KRT35: variants seen among roughly 807,000 people sequenced by gnomAD.
KRT35 encodes the protein keratin, type I cuticular Ha5.
Under a neutral mutation model 42.2 loss-of-function variants are expected in KRT35, and 33 were observed. The ratio of observed to expected loss-of-function variants is 0.78; its 90% CI spans 0.59 to 1.05. The LOEUF (loss-of-function observed/expected upper bound fraction) is 1.05, where lower values mean the gene tolerates loss of function less well. Ranked by LOEUF, KRT35 falls within the 50% of genes least tolerant of loss-of-function variation. The probability of loss-of-function intolerance (pLI) is 0.00; values close to 1 mark genes in which losing one functional copy is unlikely to be tolerated. For missense variants in KRT35, 585 were observed against 589.2 expected (o/e 0.99, Z 0.07); for synonymous variants, 218 against 238.2 (o/e 0.92, Z 0.78).
chr17:41,477,058 A>T lies in KRT35; in HGVS notation c.1366T>A (p.Ter456ArgextTer15). 6.4e-7 allele frequency: 1 copy of T among 1,560,906 alleles called. No individual in the cohort carries two copies. Among genetic ancestry groups the T allele is most frequent in the Non-Finnish European group, 8.6e-7 (1 of 1,159,122 alleles). The change falls in exon 7 of 7, where the codon TGA (stop) becomes AGA (arginine). Residue 456 changes from the stop codon to arginine, a stop_lost. Transcript: ENST00000246639. Reference protein sequence around the residue: ...ICVPCPGGRF* With the variant: ...ICVPCPGGRFR Reference sequence around the variant, plus strand: ...ATGGCCATCTGGGTCACCCGCTCTCAGAACCGACCCCCTGGGCAGGGCACA... The same window carrying T: ...ATGGCCATCTGGGTCACCCGCTCTCTGAACCGACCCCCTGGGCAGGGCACA...
In KRT35 at chr17:41,477,053, C is replaced by A. The variant is rs1339037011; in HGVS notation, c.*3G>T. 41 of 1,556,470 alleles carry A rather than the reference C, an allele frequency of 2.6e-5. No individual in the cohort carries two copies. The highest frequency in any genetic ancestry group is 3.5e-5 in the Non-Finnish European group (40 of 1,157,120). On this transcript the variant is annotated 3_prime_UTR_variant, in exon 7 of 7. Coordinates refer to ENST00000246639, the MANE Select transcript of KRT35 (RefSeq NM_002280.6). ...TAGCCATGGCCATCTGGGTCACCCG[C>A]TCTCAGAACCGACCCCCTGGGCAGG...
chr17:41,478,396 C>T lies in KRT35; in HGVS notation c.964G>A (p.Ala322Thr), dbSNP rs753519912. The T allele has an allele frequency of 8.1e-6, 13 of 1,613,838 alleles. No individual in the cohort carries two copies. Among genetic ancestry groups the T allele is most frequent in the African/African-American group, 4.0e-5 (3 of 74,932 alleles). ...EIIELRRTVN[A>T]LEIELQAQHS... is the part of the protein sequence containing the mutation. ...TGAGCCTGCAGCTCAATCTCCAGGGCGTTGACCGTGCGTCTCAGCTCGATG... is the reference window on the plus strand; with the variant it reads ...TGAGCCTGCAGCTCAATCTCCAGGGTGTTGACCGTGCGTCTCAGCTCGATG... Residue 322 changes from alanine (A) to threonine (T), a missense_variant, in exon 5 of 7, where the codon GCC becomes ACC. Coordinates refer to ENST00000246639, the MANE Select transcript of KRT35 (RefSeq NM_002280.6).
At position 41,476,950 on chromosome 17, in the gene KRT35, T is replaced by G; in HGVS notation, c.*106A>C. 8.6e-7 allele frequency: 1 copy of G among 1,159,972 alleles called. No individual in the cohort carries two copies. The highest frequency in any genetic ancestry group is 1.2e-6 in the Non-Finnish European group (1 of 828,346). The allele number at this position is 1,159,972 out of a possible 1,614,324, so 71.9% of individuals were successfully genotyped here. ...AGCCTTTTCAGCCAGACCCTGGGCC[T>G]GGGCTCTGCGCGAAGAGAGGGGATT... On this transcript the variant is annotated 3_prime_UTR_variant, in exon 7 of 7. Coordinates refer to ENST00000246639, the MANE Select transcript of KRT35 (RefSeq NM_002280.6).
chr17:41,477,007 A>G lies in KRT35; in HGVS notation c.*49T>C. On this transcript the variant is annotated 3_prime_UTR_variant, in exon 7 of 7. Transcript: ENST00000246639. ...CAAGGGTTAAGTTTGGGTAGAGGCC[A>G]AGTTCAAGCCCTGGAGACAATAGCC... The G allele has an allele frequency of 6.6e-7, 1 of 1,509,050 alleles. No individual in the cohort carries two copies. Among genetic ancestry groups the G allele is most frequent in the Non-Finnish European group, 8.8e-7 (1 of 1,130,454 alleles). The allele number at this position is 1,509,050 out of a possible 1,614,324, so 93.5% of individuals were successfully genotyped here.
At chr17:41,480,072 T>A (rs1384253907) in intron 1 of KRT35, among the ~76,000 whole-genome samples, 1 of 152,214 alleles carries the variant, frequency 6.6e-6, no homozygotes, top group Non-Finnish European at 1.5e-5. Flanking sequence ...TCTCCCTGTC[T>A]CCCAGGCCTA....
At position 41,478,278 on chromosome 17, in the gene KRT35, G is replaced by C. The variant is rs1031506793; in HGVS notation, c.999+83C>G. 7 of 1,499,876 alleles carry C rather than the reference G, an allele frequency of 4.7e-6. No individual in the cohort carries two copies. In the Admixed American group the frequency reaches 1.3e-4, roughly 27 times the overall value. The allele number at this position is 1,499,876 out of a possible 1,614,324, so 92.9% of individuals were successfully genotyped here. A position where few individuals can be genotyped will look rare whatever the true frequency, so the allele number is the denominator to read the frequency against. On this transcript the variant is annotated intron_variant, in intron 5 of 6. Coordinates refer to ENST00000246639, the MANE Select transcript of KRT35 (RefSeq NM_002280.6). Reference sequence around the variant, plus strand: ...GAACATGGACCCCTGGAGTCCGCCTGTGTGGTCAAAGCATGGAAGCTGGGG... The same window carrying C: ...GAACATGGACCCCTGGAGTCCGCCTCTGTGGTCAAAGCATGGAAGCTGGGG...
intron 1 of KRT35, among the ~76,000 whole-genome samples, chr17:41,480,354 C>T (rs1184078672): frequency 1.3e-5 from 2 of 152,174 alleles, no homozygotes; most frequent in Non-Finnish European, 2.9e-5. Context: ...TGGGCAATAC[C>T]ACCAAAGGTC....
In KRT35 at chr17:41,480,773, C is replaced by A; in HGVS notation, c.325G>T (p.Ala109Ser). The stretch of plus-strand genomic sequence containing the variant: ...TGACGCACCTTCTCCAGGTAGCCGG[C>A]CAGGCGGTCGTTCAGGGATTGCATG... Reference protein sequence around the residue: ...ETMQSLNDRLAGYLEKVRQLE... With the variant: ...ETMQSLNDRLSGYLEKVRQLE... The change falls in exon 1 of 7, where the codon GCC (alanine) becomes TCC (serine). Residue 109 changes from alanine (A) to serine (S), a missense_variant. By Grantham distance (99) the Ala-to-Ser change is moderately conservative. Coordinates refer to ENST00000246639, the MANE Select transcript of KRT35 (RefSeq NM_002280.6). The A allele has an allele frequency of 6.2e-7, 1 of 1,614,206 alleles. No individual in the cohort carries two copies. Among genetic ancestry groups the A allele is most frequent in the South Asian group, 1.1e-5 (1 of 91,088 alleles).
chr17:41,479,611 G>A, intron 2 of KRT35, 88 bp downstream of exon 2: 1 of 1,564,012 alleles, frequency 6.4e-7, no homozygotes, highest in East Asian at 2.2e-5. Context: ...ATGCCCCAAT[G>A]ACAGAGTACA....
rs371100803 is a variant in KRT35 at position 41,478,980 on chromosome 17, G to T, written c.727C>A (p.Arg243Ser). ...KNHEEEVNSLRCQLGDRLNVE... is the reference protein window; with the variant it reads ...KNHEEEVNSLSCQLGDRLNVE... ...TTGAGGCGGTCACCAAGTTGGCAGCGCAGTGAGTTCACTTCCTATAGCACA... is the reference window on the plus strand; with the variant it reads ...TTGAGGCGGTCACCAAGTTGGCAGCTCAGTGAGTTCACTTCCTATAGCACA... The change falls in exon 4 of 7, where the codon CGC (arginine) becomes AGC (serine). Residue 243 changes from arginine (R) to serine (S), a missense_variant. Arg to Ser is a moderately radical substitution (Grantham distance 110). Transcript: ENST00000246639. 54 of 1,613,132 alleles carry T rather than the reference G, an allele frequency of 3.3e-5. No individual in the cohort carries two copies. Among genetic ancestry groups the T allele is most frequent in the Middle Eastern group, 1.6e-4 (1 of 6,080 alleles).
rs770250883 is a variant in KRT35 at position 41,477,520 on chromosome 17, G to A, written c.1218C>T (p.Ser406=). 6.2e-7 allele frequency: 1 copy of A among 1,613,090 alleles called. No individual in the cohort carries two copies. Among genetic ancestry groups the A allele is most frequent in the African/African-American group, 1.3e-5 (1 of 74,896 alleles). ...AGAGCACATGCAGTGATACTCACTT[G>A]CTGTCCTCACTCTCCAGCAGGCCCC... The part of the protein sequence containing the change: ...TYRGLLESED[S]KLPCNPCAPD... Residue 406 remains serine (S), a splice_region_variant and synonymous_variant, in exon 6 of 7, where the codon AGC becomes AGT. Coordinates refer to ENST00000246639, the MANE Select transcript of KRT35 (RefSeq NM_002280.6).
At chr17:41,480,119 C>G (rs144561143) in intron 1 of KRT35, among the ~76,000 whole-genome samples, 183 of 152,294 alleles carry the variant, frequency 1.2e-3, no homozygotes, top group African/African-American at 4.0e-3. Flanking sequence ...AACAACATAC[C>G]CCGGGATTCT....
At chr17:41,479,942 A>G (rs1320848501) in intron 1 of KRT35, among the ~76,000 whole-genome samples, 161 bp from the exon 2 acceptor site, 2 of 152,190 alleles carry the variant, frequency 1.3e-5, no homozygotes, top group African/African-American at 4.8e-5. Context: ...CTAGGGATCA[A>G]CTATGGAAAG....
intron 1 of KRT35, 57 bp from the exon 2 acceptor site, chr17:41,479,838 T>C: frequency 2.1e-6 from 3 of 1,440,340 alleles, no homozygotes; most frequent in Non-Finnish European, 2.9e-6. Context: ...TTGTTGGAGC[T>C]CCCTAAAGCT....
chr17:41,478,821 T>A lies in KRT35; in HGVS notation c.873+13A>T. 1 of 1,609,432 alleles carries A rather than the reference T, an allele frequency of 6.2e-7. No individual in the cohort carries two copies. The highest frequency in any genetic ancestry group is 8.5e-7 in the Non-Finnish European group (1 of 1,177,148). On this transcript the variant is annotated intron_variant, in intron 4 of 6. Transcript: ENST00000246639. ...ACATACCCCTGTTGCACTGACTGTTTCCAGGTACCTACCTGGGTGTCCAAC... is the reference window on the plus strand; with the variant it reads ...ACATACCCCTGTTGCACTGACTGTTACCAGGTACCTACCTGGGTGTCCAAC...
Position 41,481,036 on chromosome 17 carries a change from G to T in KRT35, c.62C>A (p.Ala21Asp), listed in dbSNP as rs1261817587. 6.2e-7 allele frequency: 1 copy of T among 1,613,904 alleles called. No individual in the cohort carries two copies. Among genetic ancestry groups the T allele is most frequent in the South Asian group, 1.1e-5 (1 of 91,082 alleles). The change falls in exon 1 of 7, where the codon GCC becomes GAC. Residue 21 changes from alanine to aspartate, a missense_variant. Ala to Asp is a moderately radical substitution (Grantham distance 126). Coordinates refer to ENST00000246639, the MANE Select transcript of KRT35 (RefSeq NM_002280.6). ...GGACACACGAGTGGAGCCCCCACTG[G>T]CCCCTCCTGGGCTCTTGAGAGACCC... ...SSGSLKSPGG[A>D]SGGSTRVSAM...
rs777634385 is a variant in KRT35 at position 41,478,494 on chromosome 17, A to C, written c.874-8T>G. The C allele has an allele frequency of 6.2e-7, 1 of 1,612,950 alleles. No homozygotes were observed. Among genetic ancestry groups the C allele is most frequent in the African/African-American group, 1.3e-5 (1 of 74,888 alleles). ...CTGGTTCAGCTCCTCACTCTGAAACATACACACACAGAACCTGGTCAGCCA... is the reference window on the plus strand; with the variant it reads ...CTGGTTCAGCTCCTCACTCTGAAACCTACACACACAGAACCTGGTCAGCCA... On this transcript the variant is annotated splice_polypyrimidine_tract_variant and splice_region_variant and intron_variant, in intron 4 of 6. Coordinates refer to ENST00000246639, the MANE Select transcript of KRT35 (RefSeq NM_002280.6).
chr17:41,480,580 G>A, intron 1 of KRT35, 47 bp downstream of exon 1: 1 of 1,434,670 alleles, frequency 7.0e-7, no homozygotes. Flanking sequence ...AATGAATGCT[G>A]GTGACACAAA....
Position 41,481,021 on chromosome 17 carries a change from G to A in KRT35, c.77C>T (p.Thr26Ile), listed in dbSNP as rs187375349. Residue 26 changes from threonine (T) to isoleucine (I), a missense_variant, in exon 1 of 7, where the codon ACT becomes ATT. Thr to Ile is a moderately conservative substitution (Grantham distance 89). Transcript: ENST00000246639. ...GCTGGAGTACATTGCGGACACACGA[G>A]TGGAGCCCCCACTGGCCCCTCCTGG... ...KSPGGASGGS[T>I]RVSAMYSSSS... is the part of the protein sequence containing the mutation. 23 of 1,613,982 alleles carry A rather than the reference G, an allele frequency of 1.4e-5. No individual in the cohort carries two copies. The Admixed American group carries it at 1.5e-4, about 11-fold the overall frequency.
Sources: gnomAD v4.1 joint callset for allele counts (sites outside exome capture counted in the v4.1 genomes callset) on GRCh38, gnomAD v4.1.1 for gene constraint, MANE v1.5 for transcripts, NCBI Gene and HGNC (gene_info 2026-07-23, HGNC 2026-07-21) for gene names.